Variants in VSNL1 observed in about 807,000 individuals in gnomAD.
VSNL1 encodes visinin-like protein 1.
A neutral mutation model predicts 20.4 loss-of-function variants in VSNL1; 6 were observed. That is an observed-to-expected ratio of 0.29 (90% CI 0.16 to 0.58). The LOEUF (loss-of-function observed/expected upper bound fraction) is 0.58, where lower values mean the gene tolerates loss of function less well. VSNL1 is among the 20% of genes least tolerant of loss of function. The pLI is 0.90. For synonymous variants in VSNL1, 93 were observed against 86.4 expected, an observed-to-expected ratio of 1.08 and a Z score of -0.42; for missense variants, 100 against 234.5, an observed-to-expected ratio of 0.43 and a Z score of 3.75.
chr2:17,575,659 C>T (rs545219019), intron 1 of VSNL1, among the ~76,000 whole-genome samples: 35 of 152,162 alleles, frequency 2.3e-4, no homozygotes, highest in African/African-American at 7.2e-4. Context: ...CCTCAGACTC[C>T]CGAGTAGCTG....
chr2:17,554,809 T>A (rs1663634922), intron 1 of VSNL1, among the ~76,000 whole-genome samples: 1 of 152,198 alleles, frequency 6.6e-6, no homozygotes, highest in Admixed American at 6.5e-5. Context: ...TACTAAGTTA[T>A]ATTTTCCTCC....
intron 2 of VSNL1, among the ~76,000 whole-genome samples, chr2:17,595,043 T>A (rs1318953539): frequency 6.6e-6 from 1 of 152,182 alleles, no homozygotes; most frequent in Non-Finnish European, 1.5e-5. Context: ...GGGCAGCTCC[T>A]CATTAACACC....
chr2:17,636,488 C>A (rs1665751386), intron 2 of VSNL1, among the ~76,000 whole-genome samples: 1 of 152,194 alleles, frequency 6.6e-6, no homozygotes, highest in South Asian at 2.1e-4. Context: ...CTGCTGAGAG[C>A]TGCAGGGTTC....
intron 2 of VSNL1, among the ~76,000 whole-genome samples, chr2:17,640,714 C>T (rs1262756062): frequency 6.6e-6 from 1 of 151,998 alleles, no homozygotes; most frequent in Non-Finnish European, 1.5e-5. Flanking sequence ...TTTATTGACA[C>T]ATAACAATTG....
chr2:17,575,660 C>T (rs930914607), intron 1 of VSNL1, among the ~76,000 whole-genome samples: 28 of 152,096 alleles, frequency 1.8e-4, no homozygotes, highest in African/African-American at 6.3e-4. Flanking sequence ...CTCAGACTCC[C>T]GAGTAGCTGG....
intron 1 of VSNL1, among the ~76,000 whole-genome samples, chr2:17,557,774 T>C (rs1253870703): frequency 2.6e-5 from 4 of 152,220 alleles, no homozygotes; most frequent in Non-Finnish European, 4.4e-5. Context: ...GCTTTTGATG[T>C]TGGTAAATCT....
chr2:17,618,959 G>GATC (rs1276859667), intron 2 of VSNL1, among the ~76,000 whole-genome samples: 2 of 152,246 alleles, frequency 1.3e-5, no homozygotes, highest in Non-Finnish European at 2.9e-5. Flanking sequence ...ATTCTCTCAT[G>GATC]ATCCAGTGAA....
At chr2:17,567,335 G>C (rs955096035) in intron 1 of VSNL1, 1 of 143,966 alleles carries the variant, frequency 6.9e-6, no homozygotes, top group East Asian at 2.2e-4. Flanking sequence ...GATGTAAAGA[G>C]AGTCTCATAG....
chr2:17,606,845 G>C (rs1443053815), intron 2 of VSNL1, among the ~76,000 whole-genome samples: 2 of 152,144 alleles, frequency 1.3e-5, no homozygotes, highest in African/African-American at 4.8e-5. Context: ...CCCAATCCTG[G>C]TCAAAAGGGA....
At chr2:17,627,731 C>T (rs1665544525) in intron 2 of VSNL1, among the ~76,000 whole-genome samples, 1 of 152,166 alleles carries the variant, frequency 6.6e-6, no homozygotes, top group African/African-American at 2.4e-5. Context: ...CTTAGGTTCA[C>T]AATAGTGATG....
At chr2:17,563,320 G>A (rs62131518) in intron 1 of VSNL1, among the ~76,000 whole-genome samples, 5,033 of 152,286 alleles carry the variant, frequency 0.033, 89 homozygotes, top group East Asian at 0.097. Flanking sequence ...TCATTATCCA[G>A]CAGATTCAGG....
chr2:17,563,770 G>A (rs148595437), intron 1 of VSNL1, among the ~76,000 whole-genome samples: 319 of 152,064 alleles, frequency 2.1e-3, no homozygotes, highest in African/African-American at 7.4e-3. Context: ...GTTAATATTA[G>A]ATAATGATCA....
chr2:17,624,746 A>G lies in VSNL1; in HGVS notation c.163-24664A>G, dbSNP rs1482027768. On this transcript the variant is annotated intron_variant, in intron 2 of 3. Coordinates refer to ENST00000295156, the MANE Select transcript of VSNL1 (RefSeq NM_003385.5). Reference sequence around the variant, plus strand: ...TCCAGAAGGGAATGTAGCTCTGCCAACACTTTGATGGTAACCCAGAGAAGA... The same window carrying G: ...TCCAGAAGGGAATGTAGCTCTGCCAGCACTTTGATGGTAACCCAGAGAAGA... 7.2e-5 allele frequency among the ~76,000 whole-genome samples: 11 copies of G among 152,344 alleles called. 1 individual carries two copies. The East Asian group carries it at 2.1e-3, about 29-fold the overall frequency.
intron 3 of VSNL1, among the ~76,000 whole-genome samples, chr2:17,652,358 G>A (rs1226936853): frequency 5.9e-5 from 9 of 152,192 alleles, no homozygotes; most frequent in Admixed American, 5.9e-4. Context: ...CTGTTTTGTG[G>A]GGAAGGAATG....
At chr2:17,642,461 A>G (rs1665902876) in intron 2 of VSNL1, among the ~76,000 whole-genome samples, 1 of 151,792 alleles carries the variant, frequency 6.6e-6, no homozygotes, top group South Asian at 2.1e-4. Context: ...GGTACCCGCC[A>G]CCATGCCCAG....
chr2:17,574,210 C>A (rs537624832), intron 1 of VSNL1, among the ~76,000 whole-genome samples: 6 of 152,092 alleles, frequency 3.9e-5, no homozygotes, highest in Admixed American at 2.6e-4. Context: ...GATCCCCCCC[C>A]ACCCTGATCT....
At chr2:17,646,193 G>A (rs985708163) in intron 2 of VSNL1, among the ~76,000 whole-genome samples, 2 of 152,182 alleles carry the variant, frequency 1.3e-5, no homozygotes, top group South Asian at 2.1e-4. Context: ...GTTAAAGAAT[G>A]AGTCAGAAAA....
At chr2:17,623,140 A>G (rs867328685) in intron 2 of VSNL1, among the ~76,000 whole-genome samples, 19 of 152,344 alleles carry the variant, frequency 1.2e-4, no homozygotes, top group African/African-American at 4.6e-4. Context: ...TACAAATGCT[A>G]TAAATACTTC....
intron 1 of VSNL1, among the ~76,000 whole-genome samples, chr2:17,584,034 C>A (rs989701120): frequency 1.3e-5 from 2 of 152,160 alleles, no homozygotes; most frequent in African/African-American, 2.4e-5. Context: ...TCACAACAAC[C>A]CTTTGAGCAA....
Sources: allele counts gnomAD v4.1 joint callset (sites outside exome capture counted in the v4.1 genomes callset), GRCh38; gene constraint gnomAD v4.1.1; transcripts MANE v1.5; gene names NCBI Gene and HGNC (gene_info 2026-07-23, HGNC 2026-07-21).